The following PCDHA9 variants were observed in gnomAD, a reference collection of about 807,000 sequenced individuals.
PCDHA9 encodes the protein protocadherin alpha 9, also known as protocadherin alpha-9.
A neutral mutation model predicts 62.0 loss-of-function variants in PCDHA9; 62 were observed. The ratio of observed to expected loss-of-function variants is 1.00; its 90% CI spans 0.81 to 1.23. The LOEUF (loss-of-function observed/expected upper bound fraction) is 1.23, where lower values mean the gene tolerates loss of function less well. PCDHA9 is among the 50% of genes most tolerant of loss of function. The probability of loss-of-function intolerance (pLI) is 0.00; values close to 1 mark genes in which losing one functional copy is unlikely to be tolerated. For missense variants in PCDHA9, 1,205 were observed against 1,249.8 expected, an observed-to-expected ratio of 0.96 and a Z score of 0.54; for synonymous variants, 557 against 567.6, an observed-to-expected ratio of 0.98 and a Z score of 0.27.
chr5:141,006,869 C>T (rs190273260), intron 3 of PCDHA9, among the ~76,000 whole-genome samples: 50 of 152,182 alleles, frequency 3.3e-4, no homozygotes, highest in African/African-American at 1.0e-3. Flanking sequence ...GGAATAGATT[C>T]GAGGAATCAA....
chr5:140,925,082 A>AAAGG (rs138596875), intron 1 of PCDHA9, among the ~76,000 whole-genome samples: 24,812 of 147,244 alleles, frequency 0.17, 2,350 homozygotes, highest in African/African-American at 0.25. Context: ...GCTCATCTGG[A>AAAGG]AAGGAAGGAA....
intron 1 of PCDHA9, among the ~76,000 whole-genome samples, chr5:140,910,884 T>C (rs748501328): frequency 3.3e-5 from 5 of 152,254 alleles, no homozygotes; most frequent in Non-Finnish European, 7.3e-5. Flanking sequence ...ACCCTTAATA[T>C]CCATTCCTAT....
In PCDHA9 at chr5:140,850,682, G is replaced by C. The variant is rs2150493727; in HGVS notation, c.2187G>C (p.Glu729Asp). The change falls in exon 1 of 4, where the codon GAG becomes GAC. Residue 729 changes from glutamate to aspartate, a missense_variant. This residue lies in a region of PCDHA9 where 887 missense variants were observed against 809.5 expected (regional missense o/e 1.10). Coordinates refer to ENST00000532602, the MANE Select transcript of PCDHA9 (RefSeq NM_031857.2). The stretch of plus-strand genomic sequence containing the variant: ...TGCGGTGCTCGGCGATGCCCACCGA[G>C]GGCGAGTGCGCGCCTGGCAAGCCGA... ...TVLRCSAMPT[E>D]GECAPGKPTL... The C allele has an allele frequency of 3.1e-5, 50 of 1,598,558 alleles. 3 individuals carry two copies. In the East Asian group the frequency reaches 1.1e-3, roughly 35 times the overall value.
At chr5:140,876,274 G>C (rs1554168448) in intron 1 of PCDHA9, 8 of 1,613,990 alleles carry the variant, frequency 5.0e-6, no homozygotes, top group Non-Finnish European at 6.8e-6. Context: ...AAATGCTTCC[G>C]ATCCAGACGA....
intron 1 of PCDHA9, among the ~76,000 whole-genome samples, chr5:140,959,609 T>A (rs2095500700): frequency 6.6e-6 from 1 of 152,184 alleles, no homozygotes; most frequent in South Asian, 2.1e-4. Flanking sequence ...ATGCTTTTCT[T>A]GCTTGTGATA....
At chr5:140,929,481 A>G (rs1192778322) in intron 1 of PCDHA9, 4 of 1,195,836 alleles carry the variant, frequency 3.3e-6, no homozygotes, top group Non-Finnish European at 4.5e-6. Flanking sequence ...GGAAGTATAG[A>G]AGTATTAGAA....
rs2150437335 is a variant in PCDHA9 at position 140,849,432 on chromosome 5, A to C, written c.937A>C (p.Ser313Arg). 5 of 1,580,716 alleles carry C rather than the reference A, an allele frequency of 3.2e-6. No individual in the cohort carries two copies. The highest frequency in any genetic ancestry group is 1.4e-5 in the African/African-American group (1 of 71,554). The change falls in exon 1 of 4, where the codon AGT (serine) becomes CGT (arginine). Residue 313 changes from serine (S) to arginine (R), a missense_variant. Ser to Arg is a moderately radical substitution (Grantham distance 110). This residue lies in a region of PCDHA9 where 110 missense variants were observed against 227.2 expected (regional missense o/e 0.48). Transcript: ENST00000532602. The stretch of plus-strand genomic sequence containing the variant: ...GATAGGACATATGGATTTTGAAGAA[A>C]GTAGAGCACACAAGATCCCAGTCGA... ...TVIGHMDFEE[S>R]RAHKIPVEAV...
intron 1 of PCDHA9, chr5:140,929,480 G>T: frequency 8.4e-7 from 1 of 1,195,420 alleles, no homozygotes; most frequent in Non-Finnish European, 1.1e-6. Flanking sequence ...TGGAAGTATA[G>T]AAGTATTAGA....
intron 1 of PCDHA9, among the ~76,000 whole-genome samples, chr5:140,962,286 T>C (rs1209495659): frequency 1.3e-5 from 2 of 152,224 alleles, no homozygotes; most frequent in Admixed American, 6.5e-5. Context: ...CCTCAACCTT[T>C]AATATTCTAT....
At chr5:140,895,968 G>A (rs190056652) in intron 1 of PCDHA9, among the ~76,000 whole-genome samples, 2 of 151,938 alleles carry the variant, frequency 1.3e-5, no homozygotes, top group African/African-American at 2.4e-5. Context: ...CTGTCACCAG[G>A]CCTAGCTAAT....
chr5:140,934,528 G>T (rs782284913), intron 1 of PCDHA9, among the ~76,000 whole-genome samples: 26 of 152,112 alleles, frequency 1.7e-4, no homozygotes, highest in Non-Finnish European at 2.2e-4. Flanking sequence ...CACTTCGAGA[G>T]CTACCGTTCT....
intron 3 of PCDHA9, among the ~76,000 whole-genome samples, chr5:140,984,162 C>A (rs2097089666): frequency 6.6e-6 from 1 of 152,150 alleles, no homozygotes; most frequent in Non-Finnish European, 1.5e-5. Context: ...GAGAACTTCC[C>A]AAAGAAGCCA....
intron 1 of PCDHA9, chr5:140,861,620 A>G: frequency 2.9e-6 from 1 of 340,898 alleles, no homozygotes; most frequent in South Asian, 2.8e-5. Context: ...ACAACCTGCC[A>G]GTGTTCTCAG....
At chr5:141,001,314 T>A (rs34374778) in intron 3 of PCDHA9, among the ~76,000 whole-genome samples, 7,675 of 152,288 alleles carry the variant, frequency 0.05, 243 homozygotes, top group South Asian at 0.11. Flanking sequence ...TGAAATAATT[T>A]GCCAAACATC....
At chr5:140,894,068 A>G (rs2064306594) in intron 1 of PCDHA9, among the ~76,000 whole-genome samples, 1 of 152,160 alleles carries the variant, frequency 6.6e-6, no homozygotes, top group Non-Finnish European at 1.5e-5. Context: ...TTTTAAATAC[A>G]TTTATTTTAT....
chr5:140,965,029 A>G (rs1252337885), intron 1 of PCDHA9, among the ~76,000 whole-genome samples: 2 of 152,178 alleles, frequency 1.3e-5, no homozygotes, highest in Non-Finnish European at 2.9e-5. Context: ...GGCTCCTTTA[A>G]CTGTCCGCTC....
In PCDHA9 at chr5:140,855,796, A is replaced by G. The variant is rs140328724; in HGVS notation, c.2394+4907A>G. 580 of 464,912 alleles carry G rather than the reference A, an allele frequency of 1.2e-3. 24 individuals carry two copies. The highest frequency in any genetic ancestry group is 0.011 in the African/African-American group (538 of 50,868). 28.8% of individuals were successfully genotyped at this position (464,912 alleles called of 1,614,324 possible). On this transcript the variant is annotated intron_variant, in intron 1 of 3. Transcript: ENST00000532602. ...AAATACGTAAAAAAAGAATTAACAT[A>G]TGAATGAAAGAAAAGTTGTGAACTC...
At chr5:141,006,662 G>A (rs1198129323) in intron 3 of PCDHA9, among the ~76,000 whole-genome samples, 1 of 152,192 alleles carries the variant, frequency 6.6e-6, no homozygotes, top group Admixed American at 6.5e-5. Context: ...TCCTGAAAGA[G>A]TGGTGGCAGT....
chr5:141,009,868 G>C lies in PCDHA9; in HGVS notation c.2784G>C (p.Lys928Asn). 1 of 1,614,022 alleles carries C rather than the reference G, an allele frequency of 6.2e-7. No individual in the cohort carries two copies. Among genetic ancestry groups the C allele is most frequent in the Non-Finnish European group, 8.5e-7 (1 of 1,180,004 alleles). Residue 928 changes from lysine (K) to asparagine (N), a missense_variant, in exon 4 of 4, where the codon AAG becomes AAC. Transcript: ENST00000532602. ...AGGAGACCAAGAAAAAGAAGAAAAA[G>C]AAGAAGGGTAACAAGACCCAGGAGA... ...KKEETKKKKKKKKGNKTQEKK... is the reference protein window; with the variant it reads ...KKEETKKKKKNKKGNKTQEKK...
Sources: allele counts gnomAD v4.1 joint callset (sites outside exome capture counted in the v4.1 genomes callset), GRCh38; gene constraint gnomAD v4.1.1; regional missense constraint gnomAD v4.1.1; transcripts MANE v1.5; gene names NCBI Gene and HGNC (gene_info 2026-07-23, HGNC 2026-07-21).